The following PXK variants were observed in gnomAD, a reference collection of about 807,000 sequenced individuals.
PXK encodes PX domain containing serine/threonine kinase like, also known as PX domain-containing protein kinase-like protein.
A neutral mutation model predicts 84.7 loss-of-function variants in PXK; 35 were observed. The ratio of observed to expected loss-of-function variants is 0.41; its 90% CI spans 0.32 to 0.55. PXK has a LOEUF of 0.55. PXK is among the 20% of genes least tolerant of loss of function. PXK has a pLI of 0.21. For synonymous variants in PXK, 253 were observed against 260.8 expected (o/e 0.97, Z 0.29); for missense variants, 634 against 699.7 (o/e 0.91, Z 1.06).
Position 58,424,752 on chromosome 3 carries a change from G to C in PXK, c.1529G>C (p.Gly510Ala), listed in dbSNP as rs2062588411. 6.2e-7 allele frequency: 1 copy of C among 1,613,032 alleles called. No homozygotes were observed. The highest frequency in any genetic ancestry group is 1.7e-5 in the Admixed American group (1 of 59,938). Residue 510 changes from glycine to alanine, a missense_variant and splice_region_variant, in exon 18 of 18, where the codon GGG becomes GCG. This residue lies in a region of PXK where 273 missense variants were observed against 283.6 expected (regional missense o/e 0.96). Coordinates refer to ENST00000356151, the MANE Select transcript of PXK (RefSeq NM_017771.5). ...PSSPTPPSTS[G>A]ISALPPPPPP... ...TGATTGTCCCCCTTTTCCTCCACAG[G>C]GATATCTGCATTACCTCCACCTCCT...
At chr3:58,402,242 C>G (rs2058687115) in intron 12 of PXK, among the ~76,000 whole-genome samples, 1 of 143,464 alleles carries the variant, frequency 7.0e-6, no homozygotes, top group Admixed American at 7.1e-5. Flanking sequence ...CTTTCCCTCC[C>G]CCTCGCACTC....
chr3:58,373,925 G>C (rs981948452), intron 3 of PXK, among the ~76,000 whole-genome samples: 5 of 151,594 alleles, frequency 3.3e-5, no homozygotes, highest in African/African-American at 1.2e-4. Context: ...GGCGCCTGTA[G>C]TCCCAGCTAC....
At chr3:58,350,005 C>T (rs1195665311) in intron 1 of PXK, among the ~76,000 whole-genome samples, 4 of 152,244 alleles carry the variant, frequency 2.6e-5, no homozygotes, top group Non-Finnish European at 2.9e-5. Flanking sequence ...GAGGTGCAAC[C>T]GTTATTAGTA....
At position 58,421,105 on chromosome 3, in the gene PXK, C is replaced by A; in HGVS notation, c.1529-3647C>A. The A allele has an allele frequency of 5.0e-6, 5 of 992,702 alleles. No homozygotes were observed. Among genetic ancestry groups the A allele is most frequent in the Non-Finnish European group, 6.0e-6 (5 of 834,898 alleles). 61.5% of individuals were successfully genotyped at this position (992,702 alleles called of 1,614,324 possible). On this transcript the variant is annotated intron_variant, in intron 17 of 17. Coordinates refer to ENST00000356151, the MANE Select transcript of PXK (RefSeq NM_017771.5). This position sits in a 1 kb window ranked among gnomAD's most constrained non-coding sequence, Gnocchi z 5.5. ...CCTGAAGCCAAAGGAGAAGGTGGTT[C>A]TCCCGAGAGCTGGGGGCTTGCCTGC... is the stretch of plus-strand genomic sequence containing the variant.
At chr3:58,335,764 G>C (rs2097580401) in intron 1 of PXK, among the ~76,000 whole-genome samples, 1 of 151,962 alleles carries the variant, frequency 6.6e-6, no homozygotes, top group Non-Finnish European at 1.5e-5. Context: ...GATATAGGCT[G>C]GGCAAGTCAC....
chr3:58,351,022 G>A (rs1272542954), intron 1 of PXK, among the ~76,000 whole-genome samples: 2 of 152,102 alleles, frequency 1.3e-5, no homozygotes, highest in African/African-American at 2.4e-5. Flanking sequence ...AAGTAGAAGA[G>A]CTCCTTTACT....
intron 7 of PXK, among the ~76,000 whole-genome samples, chr3:58,393,720 T>C (rs1402168876): frequency 6.6e-6 from 1 of 152,222 alleles, no homozygotes; most frequent in African/African-American, 2.4e-5. Context: ...TAAATACCTA[T>C]AATTAATAAC....
chr3:58,343,620 T>C (rs942503299), intron 1 of PXK, among the ~76,000 whole-genome samples: 1 of 152,210 alleles, frequency 6.6e-6, no homozygotes, highest in Admixed American at 6.5e-5. Context: ...ACTCTGTAGA[T>C]GGTAAGGGGC....
At position 58,386,670 on chromosome 3, in the gene PXK, A is replaced by G. The variant is rs563431181; in HGVS notation, c.389-3912A>G. 1.8e-4 allele frequency among the ~76,000 whole-genome samples: 28 copies of G among 152,276 alleles called. 1 individual carries two copies. In the South Asian group the frequency reaches 3.7e-3, roughly 20 times the overall value. On this transcript the variant is annotated intron_variant, in intron 4 of 17. Transcript: ENST00000356151. ...TGCACTGTAGCCATCTTCCTGCCTCAGTCCTTATACCCTCTTGGAGTAAGG... is the reference window on the plus strand; with the variant it reads ...TGCACTGTAGCCATCTTCCTGCCTCGGTCCTTATACCCTCTTGGAGTAAGG...
At chr3:58,369,824 C>CAAAAAAAAAAAAAAAAAAAAAAAAAAAA in intron 3 of PXK, among the ~76,000 whole-genome samples, 1 of 64,738 alleles carries the variant, frequency 1.5e-5, no homozygotes, top group Non-Finnish European at 3.1e-5. Context: ...AACTCTGTCT[C>CAAAAAAAAAAAAAAAAAAAAAAAAAAAA]AAAAAAAAAA....
At chr3:58,347,829 T>A (rs2097849877) in intron 1 of PXK, among the ~76,000 whole-genome samples, 2 of 152,216 alleles carry the variant, frequency 1.3e-5, no homozygotes, top group South Asian at 4.1e-4. Flanking sequence ...ATAGTTTGAA[T>A]TGCATTAGTT....
rs914620652 is a variant in PXK, at chr3:58,336,924, C to T, written c.102+3834C>T. Reference sequence around the variant, plus strand: ...TCCCAGGTTCAAGCGATTCTTCTGCCTCAGCCTCCCAAGTAGCTGGGATTA... The same window carrying T: ...TCCCAGGTTCAAGCGATTCTTCTGCTTCAGCCTCCCAAGTAGCTGGGATTA... On this transcript the variant is annotated intron_variant, in intron 1 of 17. Coordinates refer to ENST00000356151, the MANE Select transcript of PXK (RefSeq NM_017771.5). Among the ~76,000 whole-genome samples the T allele has an allele frequency of 1.6e-4, 24 of 152,170 alleles. 1 individual carries two copies. Among genetic ancestry groups the T allele is most frequent in the Non-Finnish European group, 1.0e-4 (7 of 68,030 alleles).
intron 9 of PXK, 69 bp from the exon 10 acceptor site, chr3:58,396,970 A>AG (rs2107145970): frequency 6.7e-7 from 1 of 1,492,650 alleles, no homozygotes; most frequent in African/African-American, 1.4e-5. Flanking sequence ...TGACTAAAAA[A>AG]CAAAGTTTAA....
chr3:58,397,088 C>T lies in PXK; in HGVS notation c.872C>T (p.Ala291Val), dbSNP rs779667790. Residue 291 changes from alanine to valine, a missense_variant, in exon 10 of 18, where the codon GCC becomes GTC. Ala to Val is a moderately conservative substitution (Grantham distance 64, BLOSUM62 0). Around this residue, in one of 3 missense-constraint regions of PXK, gnomAD observed 353 missense variants for 385.2 expected, o/e 0.92. Coordinates refer to ENST00000356151, the MANE Select transcript of PXK (RefSeq NM_017771.5). The surrounding 1 kb of genome is among the most constrained non-coding windows in gnomAD (Gnocchi z 4.7). ...GGATTCCCTTATGGGCATCTTCACG[C>T]CTCCAATGTGATGCTCGATGGGGAC... ...DKGFPYGHLH[A>V]SNVMLDGDTC... is the part of the protein sequence containing the mutation. The T allele has an allele frequency of 3.7e-6, 6 of 1,614,190 alleles. No homozygotes were observed. The highest frequency in any genetic ancestry group is 2.2e-5 in the South Asian group (2 of 91,086).
rs148992162 is a variant in PXK at position 58,416,642 on chromosome 3, A to C, written c.1528+3679A>C. 1.2e-3 allele frequency among the ~76,000 whole-genome samples: 177 copies of C among 152,174 alleles called. No homozygotes were observed. The highest frequency in any genetic ancestry group is 4.0e-3 in the African/African-American group (164 of 41,508). On this transcript the variant is annotated intron_variant, in intron 17 of 17. Coordinates refer to ENST00000356151, the MANE Select transcript of PXK (RefSeq NM_017771.5). The surrounding 1 kb of genome is among the most constrained non-coding windows in gnomAD (Gnocchi z 4.8). ...GGATTACACCATTTTTGTTTTTGAG[A>C]CAGAGTCTGGGTCTGTCACCCAGGC...
chr3:58,342,674 A>C (rs966111770), intron 1 of PXK, among the ~76,000 whole-genome samples: 1 of 151,600 alleles, frequency 6.6e-6, no homozygotes, highest in African/African-American at 2.4e-5. Flanking sequence ...AGAAAGAAAA[A>C]CTTTTTAAAA....
At chr3:58,382,814 G>T (rs992017966) in intron 4 of PXK, 114 bp downstream of exon 4, 3 of 730,752 alleles carry the variant, frequency 4.1e-6, no homozygotes, top group African/African-American at 1.8e-5. Flanking sequence ...GTATACATTT[G>T]TTATAGCATA....
Position 58,390,750 on chromosome 3 carries a change from C to T in PXK, c.466+91C>T. On this transcript the variant is annotated intron_variant, in intron 5 of 17. Transcript: ENST00000356151. The surrounding 1 kb of genome is among the most constrained non-coding windows in gnomAD (Gnocchi z 4.2). ...TTCTGATACGTATCCCAGGAACATG[C>T]TTAAATGCAGGTGACTTCTTTTTCT... The T allele has an allele frequency of 2.4e-6, 3 of 1,236,208 alleles. No individual in the cohort carries two copies. The highest frequency in any genetic ancestry group is 3.4e-6 in the Non-Finnish European group (3 of 877,686). 76.6% of individuals were successfully genotyped at this position (1,236,208 alleles called of 1,614,324 possible).
chr3:58,366,602 A>G (rs2098275874), intron 2 of PXK, among the ~76,000 whole-genome samples: 1 of 152,144 alleles, frequency 6.6e-6, no homozygotes, highest in Non-Finnish European at 1.5e-5. Flanking sequence ...CTTCTCCTTC[A>G]CAGCCCAGCT....
Sources: gnomAD v4.1 joint callset for allele counts (sites outside exome capture counted in the v4.1 genomes callset) on GRCh38, gnomAD v4.1.1 for gene constraint, gnomAD v4.1.1 regional missense constraint, Gnocchi (gnomAD v3.1) non-coding constraint, MANE v1.5 for transcripts, NCBI Gene and HGNC (gene_info 2026-07-23, HGNC 2026-07-21) for gene names.